LUZP2: variants seen among roughly 807,000 people sequenced by gnomAD.
The protein encoded by LUZP2 is leucine zipper protein 2.
A neutral mutation model predicts 51.6 loss-of-function variants in LUZP2; 52 were observed. That is an observed-to-expected ratio of 1.01 (90% CI 0.81 to 1.27). LUZP2 has a LOEUF of 1.27. Ranked by LOEUF, LUZP2 falls within the 50% of genes most tolerant of loss-of-function variation. LUZP2 has a pLI of 0.00. For missense variants in LUZP2, 436 were observed against 395.4 expected, an observed-to-expected ratio of 1.10 and a Z score of -0.87; for synonymous variants, 154 against 137.3, an observed-to-expected ratio of 1.12 and a Z score of -0.85.
chr11:24,655,605 T>C (rs1802806998), intron 1 of LUZP2, among the ~76,000 whole-genome samples: 1 of 152,098 alleles, frequency 6.6e-6, no homozygotes, highest in Non-Finnish European at 1.5e-5. Flanking sequence ...CATAAAGAAA[T>C]GCATGCAGAG....
At chr11:24,662,620 T>C (rs1358626224) in intron 1 of LUZP2, among the ~76,000 whole-genome samples, 6 of 152,022 alleles carry the variant, frequency 3.9e-5, no homozygotes, top group Non-Finnish European at 7.4e-5. Flanking sequence ...AAATTACTAA[T>C]AATGAAGAAA....
chr11:24,831,283 C>G (rs1358777618), intron 5 of LUZP2, among the ~76,000 whole-genome samples: 1 of 152,098 alleles, frequency 6.6e-6, no homozygotes, highest in African/African-American at 2.4e-5. Flanking sequence ...ATGCCAAAGG[C>G]AGAGATATTC....
At chr11:25,041,087 A>T (rs1240977645) in intron 9 of LUZP2, among the ~76,000 whole-genome samples, 2 of 151,948 alleles carry the variant, frequency 1.3e-5, no homozygotes, top group Admixed American at 1.3e-4. Context: ...TCTTAATACC[A>T]TTGTTTATAT....
At chr11:24,876,693 T>C (rs541180574) in intron 5 of LUZP2, among the ~76,000 whole-genome samples, 8 of 152,272 alleles carry the variant, frequency 5.3e-5, no homozygotes, top group South Asian at 2.1e-4. Context: ...TTGGGCAGTA[T>C]GGCCATTTTC....
intron 1 of LUZP2, among the ~76,000 whole-genome samples, chr11:24,633,785 C>A (rs1798445156): frequency 6.6e-6 from 1 of 151,700 alleles, no homozygotes; most frequent in Non-Finnish European, 1.5e-5. Flanking sequence ...GATTATATAG[C>A]AACTGCATGA....
intron 5 of LUZP2, among the ~76,000 whole-genome samples, chr11:24,764,114 G>A (rs867242002): frequency 2.0e-5 from 3 of 152,106 alleles, no homozygotes; most frequent in East Asian, 1.9e-4. Flanking sequence ...GCTCACATAC[G>A]ATTTAAAACA....
chr11:24,956,712 T>G (rs1271947491), intron 7 of LUZP2, among the ~76,000 whole-genome samples: 1 of 151,930 alleles, frequency 6.6e-6, no homozygotes, highest in Non-Finnish European at 1.5e-5. Flanking sequence ...GGAAGAACAA[T>G]AAGAGAAGGC....
chr11:24,574,594 TTGAAC>T (rs1852579618), intron 1 of LUZP2, among the ~76,000 whole-genome samples: 2 of 151,936 alleles, frequency 1.3e-5, no homozygotes, highest in East Asian at 3.9e-4. Flanking sequence ...AGAGGAGAGA[TTGAAC>T]TGAACTCCCT....
At chr11:24,906,285 AT>A (rs373902290) in intron 6 of LUZP2, among the ~76,000 whole-genome samples, 10,833 of 148,048 alleles carry the variant, frequency 0.073, 992 homozygotes, top group African/African-American at 0.22. Context: ...ACCTTTGTAG[AT>A]TTTTTTTTTT....
chr11:25,003,159 G>T (rs1174176196), intron 9 of LUZP2, among the ~76,000 whole-genome samples: 9 of 152,152 alleles, frequency 5.9e-5, no homozygotes, highest in Non-Finnish European at 1.0e-4. Context: ...GTAGCCTGCT[G>T]GCATGAGGCT....
intron 1 of LUZP2, among the ~76,000 whole-genome samples, chr11:24,531,930 A>G (rs1305004726): frequency 6.6e-6 from 1 of 150,974 alleles, no homozygotes; most frequent in Non-Finnish European, 1.5e-5. Context: ...TCCCCAAATC[A>G]GTCCAATACA....
intron 5 of LUZP2, among the ~76,000 whole-genome samples, chr11:24,788,564 T>C (rs974139803): frequency 1.3e-5 from 2 of 152,160 alleles, no homozygotes; most frequent in African/African-American, 4.8e-5. Flanking sequence ...ACACTGTCAG[T>C]TGATATTCCT....
chr11:25,051,911 AT>A (rs1858528935), intron 10 of LUZP2, among the ~76,000 whole-genome samples: 1 of 152,016 alleles, frequency 6.6e-6, no homozygotes, highest in African/African-American at 2.4e-5. Context: ...TCATAAATTG[AT>A]TTGTTCATAT....
intron 1 of LUZP2, among the ~76,000 whole-genome samples, chr11:24,593,258 A>T (rs898426466): frequency 1.3e-5 from 2 of 152,192 alleles, no homozygotes; most frequent in Admixed American, 6.5e-5. Context: ...GTCTTACATT[A>T]TAAATGTAAA....
In LUZP2 at chr11:24,546,298, G is replaced by A. The variant is rs936442432; in HGVS notation, c.62+48993G>A. On this transcript the variant is annotated intron_variant, in intron 1 of 11. Transcript: ENST00000336930. Reference sequence around the variant, plus strand: ...TTCCTTATCCTGCCTGATTGCTCTGGCCAAAACTTCCAAGACAATGTTGAA... The same window carrying A: ...TTCCTTATCCTGCCTGATTGCTCTGACCAAAACTTCCAAGACAATGTTGAA... 5.3e-5 allele frequency among the ~76,000 whole-genome samples: 8 copies of A among 151,902 alleles called. No individual in the cohort carries two copies. In the East Asian group the frequency reaches 1.4e-3, roughly 26 times the overall value.
At chr11:25,007,931 T>G (rs2133953310) in intron 9 of LUZP2, among the ~76,000 whole-genome samples, 1 of 152,360 alleles carries the variant, frequency 6.6e-6, no homozygotes, top group South Asian at 2.1e-4. Flanking sequence ...GCCCTAATAA[T>G]TGCTTGTGAA....
intron 5 of LUZP2, among the ~76,000 whole-genome samples, chr11:24,878,282 C>G (rs946682414): frequency 6.6e-6 from 1 of 151,836 alleles, no homozygotes; most frequent in Non-Finnish European, 1.5e-5. Context: ...CTTTATTTCC[C>G]CTTCATATTT....
intron 5 of LUZP2, chr11:24,785,794 C>G (rs888583883): frequency 2.3e-6 from 2 of 860,438 alleles, no homozygotes; most frequent in African/African-American, 3.7e-5. Flanking sequence ...CAGCATTTAG[C>G]CCACACTTCT....
At chr11:25,062,629 C>CAGCAAAATG (rs1181948988) in intron 10 of LUZP2, among the ~76,000 whole-genome samples, 2 of 140,780 alleles carry the variant, frequency 1.4e-5, no homozygotes, top group Non-Finnish European at 3.1e-5. Flanking sequence ...GAAAGGAAAC[C>CAGCAAAATG]AGCAAAATGT....
Sources: allele counts gnomAD v4.1 joint callset (sites outside exome capture counted in the v4.1 genomes callset), GRCh38; gene constraint gnomAD v4.1.1; transcripts MANE v1.5; gene names NCBI Gene and HGNC (gene_info 2026-07-23, HGNC 2026-07-21).